MACROD2: variants seen among roughly 807,000 people sequenced by gnomAD.
MACROD2 encodes ADP-ribose glycohydrolase MACROD2.
Under a neutral mutation model 70.4 loss-of-function variants are expected in MACROD2, and 36 were observed. That is an observed-to-expected ratio of 0.51 (90% CI 0.39 to 0.68). The LOEUF (loss-of-function observed/expected upper bound fraction) is 0.68, where lower values mean the gene tolerates loss of function less well. Among genes scored for constraint, MACROD2 ranks in the 30% least tolerant of loss-of-function variants. The pLI, the probability that MACROD2 is intolerant of heterozygous loss-of-function variation, is 0.00. For synonymous variants in MACROD2, 172 were observed against 178.8 expected, an observed-to-expected ratio of 0.96 and a Z score of 0.30; for missense variants, 496 against 538.4, an observed-to-expected ratio of 0.92 and a Z score of 0.78.
chr20:14,707,658 A>C lies in MACROD2; in HGVS notation c.418+22699A>C, dbSNP rs574513458. Among the ~76,000 whole-genome samples, 5 of 152,292 alleles carry C rather than the reference A, an allele frequency of 3.3e-5. No individual in the cohort carries two copies. In the East Asian group the frequency reaches 9.7e-4, roughly 29 times the overall value. On this transcript the variant is annotated intron_variant, in intron 5 of 17. Transcript: ENST00000684519. Reference sequence around the variant, plus strand: ...GAATCTCTCATTCGGACTCAGCAAGATCATTTTTATTTTTGACCAGAACCT... The same window carrying C: ...GAATCTCTCATTCGGACTCAGCAAGCTCATTTTTATTTTTGACCAGAACCT...
chr20:14,002,606 AT>A (rs558265613), intron 2 of MACROD2, among the ~76,000 whole-genome samples: 120 of 152,316 alleles, frequency 7.9e-4, no homozygotes, highest in African/African-American at 2.7e-3. Flanking sequence ...GTGTTCTGAA[AT>A]ATACCACATT....
intron 7 of MACROD2, among the ~76,000 whole-genome samples, chr20:15,497,512 G>A (rs969321341): frequency 6.6e-6 from 1 of 152,008 alleles, no homozygotes; most frequent in Non-Finnish European, 1.5e-5. Flanking sequence ...GGCTGGTCTT[G>A]AGCTCCTGAC....
At chr20:14,628,463 A>T (rs573406914) in intron 4 of MACROD2, among the ~76,000 whole-genome samples, 1 of 152,244 alleles carries the variant, frequency 6.6e-6, no homozygotes, top group Admixed American at 6.5e-5. Flanking sequence ...GATGGACTGG[A>T]TGTGGAAATG....
At chr20:14,854,111 T>G (rs2073228090) in intron 5 of MACROD2, among the ~76,000 whole-genome samples, 1 of 152,080 alleles carries the variant, frequency 6.6e-6, no homozygotes, top group Non-Finnish European at 1.5e-5. Context: ...ACCTCATCAT[T>G]ACCCTGATTT....
At chr20:15,495,554 G>C (rs1271613748) in intron 7 of MACROD2, among the ~76,000 whole-genome samples, 1 of 152,082 alleles carries the variant, frequency 6.6e-6, no homozygotes, top group Non-Finnish European at 1.5e-5. Context: ...AAACACCCCT[G>C]TGCTCCCAGG....
At chr20:14,455,748 AT>A (rs544609007) in intron 3 of MACROD2, among the ~76,000 whole-genome samples, 12 of 151,838 alleles carry the variant, frequency 7.9e-5, no homozygotes, top group African/African-American at 2.7e-4. Flanking sequence ...ATATTAATAT[AT>A]TTTTTCTTTA....
intron 10 of MACROD2, among the ~76,000 whole-genome samples, chr20:15,898,527 G>A (rs970381864): frequency 7.5e-6 from 1 of 133,752 alleles, no homozygotes; most frequent in Non-Finnish European, 1.6e-5. Context: ...CTCCAGCCTG[G>A]GCCACAGAGC....
intron 3 of MACROD2, among the ~76,000 whole-genome samples, chr20:14,302,622 G>T (rs2082485076): frequency 6.6e-6 from 1 of 151,282 alleles, no homozygotes; most frequent in African/African-American, 2.4e-5. Context: ...TATTATTCTT[G>T]CTTATGTTAG....
chr20:14,145,139 A>C (rs2054928646), intron 3 of MACROD2, among the ~76,000 whole-genome samples: 1 of 152,100 alleles, frequency 6.6e-6, no homozygotes, highest in Non-Finnish European at 1.5e-5. Context: ...ATACCTCTAC[A>C]AAAAAAGCAC....
chr20:14,255,180 T>G (rs917585854), intron 3 of MACROD2, among the ~76,000 whole-genome samples: 3 of 152,092 alleles, frequency 2.0e-5, no homozygotes, highest in Non-Finnish European at 2.9e-5. Context: ...AATATTAACC[T>G]TAAATGTAAA....
At chr20:15,131,656 T>C (rs546892642) in intron 5 of MACROD2, among the ~76,000 whole-genome samples, 240 of 152,178 alleles carry the variant, frequency 1.6e-3, no homozygotes, top group African/African-American at 5.3e-3. Context: ...TAATGGAAGA[T>C]TGAATTGCTC....
chr20:14,867,585 G>A (rs868343513), intron 5 of MACROD2, among the ~76,000 whole-genome samples: 1 of 152,180 alleles, frequency 6.6e-6, no homozygotes, highest in Middle Eastern at 3.4e-3. Flanking sequence ...ACCTTGACCA[G>A]CCTTCTATCT....
At chr20:14,876,135 G>A (rs2073547965) in intron 5 of MACROD2, among the ~76,000 whole-genome samples, 1 of 152,118 alleles carries the variant, frequency 6.6e-6, no homozygotes, top group Non-Finnish European at 1.5e-5. Context: ...ACCAACTTCT[G>A]TTCTGTTTTG....
intron 8 of MACROD2, among the ~76,000 whole-genome samples, chr20:15,532,114 T>A (rs1015335722): frequency 2.0e-5 from 3 of 152,148 alleles, no homozygotes; most frequent in African/African-American, 7.2e-5. Flanking sequence ...GTAAGTGACA[T>A]TTTAATGAAA....
intron 9 of MACROD2, among the ~76,000 whole-genome samples, chr20:15,879,012 A>G (rs777831706): frequency 4.6e-5 from 7 of 152,168 alleles, no homozygotes; most frequent in Non-Finnish European, 8.8e-5. Flanking sequence ...TGAAATTAAC[A>G]TCAAAGAGGT....
intron 3 of MACROD2, among the ~76,000 whole-genome samples, chr20:14,199,812 C>A (rs2081463909): frequency 6.6e-6 from 1 of 151,870 alleles, no homozygotes; most frequent in African/African-American, 2.4e-5. Flanking sequence ...CTATTATTAT[C>A]CTCATTTAAA....
intron 1 of MACROD2, chr20:13,996,330 T>G (rs1005027829): frequency 1.2e-5 from 2 of 165,568 alleles, no homozygotes; most frequent in Non-Finnish European, 2.6e-5. Flanking sequence ...CATCGGGTGT[T>G]TACCCCTTGT....
chr20:15,511,705 C>T (rs1041442076), intron 8 of MACROD2, among the ~76,000 whole-genome samples: 5 of 152,156 alleles, frequency 3.3e-5, no homozygotes, highest in African/African-American at 9.7e-5. Flanking sequence ...TTAGGCTGGG[C>T]GGCTTCTTCT....
At chr20:15,662,715 GTT>G (rs11478090) in intron 8 of MACROD2, among the ~76,000 whole-genome samples, 7,596 of 146,868 alleles carry the variant, frequency 0.052, 317 homozygotes, top group East Asian at 0.2. Flanking sequence ...CTCAGAGAGG[GTT>G]TTTTTTTTTT....
Sources: allele counts gnomAD v4.1 joint callset (sites outside exome capture counted in the v4.1 genomes callset), GRCh38; gene constraint gnomAD v4.1.1; transcripts MANE v1.5; gene names NCBI Gene and HGNC (gene_info 2026-07-23, HGNC 2026-07-21).